The following BARD1 variants were observed in gnomAD, a reference collection of about 807,000 sequenced individuals.
BARD1 encodes the protein BRCA1 associated RING domain 1.
A neutral mutation model predicts 77.0 loss-of-function variants in BARD1; 73 were observed. That is an observed-to-expected ratio of 0.95 (90% CI 0.79 to 1.15). The LOEUF (loss-of-function observed/expected upper bound fraction) is 1.15. Ranked by LOEUF, BARD1 falls within the 50% of genes most tolerant of loss-of-function variation. BARD1 has a pLI of 0.00. For synonymous variants in BARD1, 384 were observed against 338.0 expected (o/e 1.14, Z -1.49); for missense variants, 993 against 938.8 (o/e 1.06, Z -0.75).
intron 7 of BARD1, among the ~76,000 whole-genome samples, chr2:214,751,079 CTGTGTG>C (rs760986670): frequency 0.061 from 2,298 of 37,896 alleles, 60 homozygotes; most frequent in East Asian, 0.078. Flanking sequence ...CTGTGAAATT[CTGTGTG>C]TGTGTGTGTG....
chr2:214,769,111 A>G lies in BARD1; in HGVS notation c.1395+121T>C, dbSNP rs180963813. 92 of 813,226 alleles carry G rather than the reference A, an allele frequency of 1.1e-4. No individual in the cohort carries two copies. In the African/African-American group the frequency reaches 1.2e-3, roughly 10 times the overall value. 50.4% of individuals were successfully genotyped at this position (813,226 alleles called of 1,614,324 possible). On this transcript the variant is annotated intron_variant, in intron 5 of 10. Coordinates refer to ENST00000260947, the MANE Select transcript of BARD1 (RefSeq NM_000465.4). ...TCATGTTCTCATACTTGATGAAAAC[A>G]TAAGTTCTTCAGACTAAAAAGAGTA...
chr2:214,769,862 A>G (rs967037427), intron 4 of BARD1, among the ~76,000 whole-genome samples: 3 of 152,252 alleles, frequency 2.0e-5, no homozygotes, highest in African/African-American at 4.8e-5. Context: ...AATTCATTTC[A>G]GGTACCAAAT....
At chr2:214,794,918 T>C (rs1695692582) in intron 2 of BARD1, among the ~76,000 whole-genome samples, 1 of 152,238 alleles carries the variant, frequency 6.6e-6, no homozygotes, top group South Asian at 2.1e-4. Flanking sequence ...ATTTTCTCTT[T>C]TAAGATGTTC....
At chr2:214,730,803 T>C (rs1692321720) in intron 9 of BARD1, 1 of 474,390 alleles carries the variant, frequency 2.1e-6, no homozygotes. Context: ...GCCAGGATAC[T>C]ATTTCAAAGA....
In BARD1 at chr2:214,745,401, A is replaced by G. The variant is rs74528217; in HGVS notation, c.1811-242T>C. Among the ~76,000 whole-genome samples the G allele has an allele frequency of 0.027, 4,128 of 152,234 alleles. 188 individuals carry two copies. Among genetic ancestry groups the G allele is most frequent in the African/African-American group, 0.094 (3,887 of 41,512 alleles). On this transcript the variant is annotated intron_variant, in intron 8 of 10. Transcript: ENST00000260947. ...GCCATATTGGCAAACACAAATTTTTATTTTCAAATTACAGCTAAGGGATTA... is the reference window on the plus strand; with the variant it reads ...GCCATATTGGCAAACACAAATTTTTGTTTTCAAATTACAGCTAAGGGATTA...
At chr2:214,801,396 C>G (rs1467471313) in intron 1 of BARD1, among the ~76,000 whole-genome samples, 1 of 152,182 alleles carries the variant, frequency 6.6e-6, no homozygotes, top group Non-Finnish European at 1.5e-5. Flanking sequence ...GAAGAAGATT[C>G]ACACTTATCT....
chr2:214,783,119 G>C (rs1695114769), intron 3 of BARD1, among the ~76,000 whole-genome samples: 1 of 152,092 alleles, frequency 6.6e-6, no homozygotes, highest in Non-Finnish European at 1.5e-5. Context: ...CTCACTCCTG[G>C]AGAAGCAGAG....
chr2:214,725,838 C>G lies in BARD1; in HGVS notation c.*2838G>C. The G allele has an allele frequency of 4.5e-6, 1 of 221,404 alleles. No individual in the cohort carries two copies. Among genetic ancestry groups the G allele is most frequent in the Non-Finnish European group, 9.0e-6 (1 of 110,570 alleles). The allele number at this position is 221,404 out of a possible 1,614,324, so 13.7% of individuals were successfully genotyped here. On this transcript the variant is annotated 3_prime_UTR_variant, in exon 11 of 11. Coordinates refer to ENST00000260947, the MANE Select transcript of BARD1 (RefSeq NM_000465.4). ...TGTTCAGGGTAGGAAACAGAATAGA[C>G]AATTGTGACTGTAATGAGGCCCATG...
chr2:214,772,074 C>A (rs1476597129), intron 4 of BARD1, among the ~76,000 whole-genome samples: 1 of 152,120 alleles, frequency 6.6e-6, no homozygotes, highest in Non-Finnish European at 1.5e-5. Flanking sequence ...CCAAGCAATT[C>A]TCCTGCCTCA....
chr2:214,730,864 T>G (rs1559374580), intron 9 of BARD1: 1 of 459,112 alleles, frequency 2.2e-6, no homozygotes, highest in East Asian at 6.8e-5. Context: ...AAAATTAAGG[T>G]GAATAAAAAG....
rs139039751 is a variant in BARD1 at position 214,761,416 on chromosome 2, A to G, written c.1568+6066T>C. ...TCTAACTTATAATCATAAATGCAAA[A>G]TTCCTAAAACCCTAGCAAATTCATG... On this transcript the variant is annotated intron_variant, in intron 6 of 10. Coordinates refer to ENST00000260947, the MANE Select transcript of BARD1 (RefSeq NM_000465.4). Among the ~76,000 whole-genome samples the G allele has an allele frequency of 1.7e-3, 257 of 152,310 alleles. 1 individual carries two copies. The highest frequency in any genetic ancestry group is 5.9e-3 in the African/African-American group (246 of 41,564).
Position 214,794,676 on chromosome 2 carries a change from T to C in BARD1, c.216-2231A>G, listed in dbSNP as rs367671678. 5.3e-5 allele frequency among the ~76,000 whole-genome samples: 8 copies of C among 152,308 alleles called. No homozygotes were observed. The East Asian group carries it at 1.5e-3, about 29-fold the overall frequency. On this transcript the variant is annotated intron_variant, in intron 2 of 10. Transcript: ENST00000260947. Reference sequence around the variant, plus strand: ...CAATTCTGAAGAATGCTCAAAATGTTTGAGCACCCCTGCCACATGTCTTAA... The same window carrying C: ...CAATTCTGAAGAATGCTCAAAATGTCTGAGCACCCCTGCCACATGTCTTAA...
chr2:214,756,755 T>G (rs1343215164), intron 6 of BARD1, among the ~76,000 whole-genome samples: 3 of 152,084 alleles, frequency 2.0e-5, no homozygotes, highest in Non-Finnish European at 4.4e-5. Context: ...TATGTTCTCA[T>G]TCATAAGTGG....
intron 9 of BARD1, among the ~76,000 whole-genome samples, chr2:214,736,047 T>A (rs1210701766): frequency 6.6e-6 from 1 of 152,108 alleles, no homozygotes; most frequent in Non-Finnish European, 1.5e-5. Flanking sequence ...AATTTCCGAA[T>A]CTTATAATTT....
intron 9 of BARD1, among the ~76,000 whole-genome samples, chr2:214,730,709 A>T (rs1048597173): frequency 3.9e-5 from 6 of 152,210 alleles, no homozygotes; most frequent in Admixed American, 6.5e-5. Context: ...AAAATATTTT[A>T]AAAAACTCTT....
At chr2:214,797,180 A>G (rs1695799474) in intron 1 of BARD1, 63 bp from the exon 2 acceptor site, 3 of 1,292,542 alleles carry the variant, frequency 2.3e-6, no homozygotes, top group Non-Finnish European at 3.4e-6. Flanking sequence ...CTCACACCCA[A>G]TATTTCATCC....
chr2:214,755,675 A>G (rs956915374), intron 6 of BARD1, among the ~76,000 whole-genome samples: 1 of 152,110 alleles, frequency 6.6e-6, no homozygotes, highest in Non-Finnish European at 1.5e-5. Context: ...AAATGGATGC[A>G]ACTGATGGAA....
At chr2:214,782,985 C>G (rs974069764) in intron 3 of BARD1, among the ~76,000 whole-genome samples, 7 of 152,056 alleles carry the variant, frequency 4.6e-5, no homozygotes, top group Non-Finnish European at 1.0e-4. Flanking sequence ...GAGGCAAGAG[C>G]AAGATGATAA....
At chr2:214,797,000 C>T (rs1047768441) in intron 2 of BARD1, 61 bp downstream of exon 2, 1 of 1,282,438 alleles carries the variant, frequency 7.8e-7, no homozygotes, top group South Asian at 1.2e-5. Context: ...AACAAGATTA[C>T]ATGATTGTTA....
Sources: allele counts gnomAD v4.1 joint callset (sites outside exome capture counted in the v4.1 genomes callset), GRCh38; gene constraint gnomAD v4.1.1; transcripts MANE v1.5; gene names NCBI Gene and HGNC (gene_info 2026-07-23, HGNC 2026-07-21).